CCT3: variants seen among roughly 807,000 people sequenced by gnomAD.
CCT3 encodes the protein chaperonin containing TCP1 subunit 3.
A neutral mutation model predicts 65.3 loss-of-function variants in CCT3; 10 were observed. The observed-to-expected ratio is 0.15, with a 90% CI of 0.09 to 0.26. The LOEUF (loss-of-function observed/expected upper bound fraction) is 0.26. CCT3 is among the 10% of genes least tolerant of loss of function. The pLI is 1.00. For missense variants in CCT3, 626 were observed against 708.7 expected, an observed-to-expected ratio of 0.88 and a Z score of 1.33; for synonymous variants, 225 against 242.3, an observed-to-expected ratio of 0.93 and a Z score of 0.66.
At chr1:156,325,725 G>A (rs762195249) in intron 5 of CCT3, among the ~76,000 whole-genome samples, 1 of 151,874 alleles carries the variant, frequency 6.6e-6, no homozygotes, top group Non-Finnish European at 1.5e-5. Flanking sequence ...TTACATGCAT[G>A]CATCACCACA....
intron 1 of CCT3, among the ~76,000 whole-genome samples, chr1:156,336,604 C>G (rs528723204): frequency 6.6e-6 from 1 of 152,198 alleles, no homozygotes; most frequent in African/African-American, 2.4e-5. Flanking sequence ...GGAGGCTAAT[C>G]GGTCACAGCC....
In CCT3 at chr1:156,335,852, T is replaced by G. The variant is rs192209372; in HGVS notation, c.68A>C (p.Gln23Pro). Residue 23 changes from glutamine to proline, a missense_variant, in exon 2 of 14, where the codon CAA becomes CCA. Coordinates refer to ENST00000295688, the MANE Select transcript of CCT3 (RefSeq NM_005998.5). ...CTTGGCAGCATTGATGTTTCCAGAT[T>G]GAACTTTTCTTCCGGATTCACGCTT... ...NTKRESGRKV[Q>P]SGNINAAKTI... 6.2e-7 allele frequency: 1 copy of G among 1,614,146 alleles called. No homozygotes were observed. Among genetic ancestry groups the G allele is most frequent in the East Asian group, 2.2e-5 (1 of 44,878 alleles).
intron 5 of CCT3, chr1:156,332,630 TAAA>T (rs1045967623): frequency 6.6e-6 from 1 of 152,010 alleles, no homozygotes; most frequent in Non-Finnish European, 1.5e-5. Context: ...TCTCACACTG[TAAA>T]AAAAAGTGTC....
intron 6 of CCT3, 73 bp downstream of exon 6, chr1:156,324,899 T>C: frequency 1.0e-6 from 1 of 998,548 alleles, no homozygotes; most frequent in Non-Finnish European, 1.6e-6. Flanking sequence ...AGTGCTGGGA[T>C]GACAGCCATG....
intron 5 of CCT3, among the ~76,000 whole-genome samples, chr1:156,330,248 G>T (rs1231970376): frequency 6.6e-6 from 1 of 152,064 alleles, no homozygotes; most frequent in South Asian, 2.1e-4. Context: ...ATCCTTCCAG[G>T]TTTTCCCTAA....
intron 1 of CCT3, among the ~76,000 whole-genome samples, chr1:156,336,541 A>C (rs1426921891): frequency 2.0e-5 from 3 of 152,220 alleles, no homozygotes; most frequent in African/African-American, 7.2e-5. Flanking sequence ...TGTAATAAGA[A>C]GGCCTCAGTA....
At position 156,311,029 on chromosome 1, in the gene CCT3, G is replaced by C; in HGVS notation, c.1322C>G (p.Ala441Gly). The C allele has an allele frequency of 1.9e-6, 3 of 1,614,128 alleles. No homozygotes were observed. Among genetic ancestry groups the C allele is most frequent in the Non-Finnish European group, 2.5e-6 (3 of 1,180,008 alleles). Residue 441 changes from alanine (A) to glycine (G), a missense_variant, in exon 12 of 14, where the codon GCC becomes GGC. Transcript: ENST00000295688. ...GVEQWPYRAV[A>G]QALEVIPRTL... is the part of the protein sequence containing the mutation. The stretch of plus-strand genomic sequence containing the variant: ...ACGAGGAATGACCTCTAGGGCCTGG[G>C]CAACAGCCCTGTATGGCCATTGTTC...
chr1:156,310,074 C>T (rs931954058), intron 13 of CCT3, among the ~76,000 whole-genome samples: 1 of 148,278 alleles, frequency 6.7e-6, no homozygotes, highest in Admixed American at 6.8e-5. Flanking sequence ...ATGCACTTCT[C>T]CCTAAGCAAG....
Position 156,334,894 on chromosome 1 carries a change from A to G in CCT3, c.118T>C (p.Cys40Arg). The G allele has an allele frequency of 6.2e-7, 1 of 1,614,154 alleles. No individual in the cohort carries two copies. Among genetic ancestry groups the G allele is most frequent in the Non-Finnish European group, 8.5e-7 (1 of 1,179,998 alleles). Residue 40 changes from cysteine to arginine, a missense_variant, in exon 3 of 14, where the codon TGT becomes CGT. By Grantham distance (180) the Cys-to-Arg change is radical. Coordinates refer to ENST00000295688, the MANE Select transcript of CCT3 (RefSeq NM_005998.5). ...AKTIADIIRT[C>R]LGPKSMMKML... ...TTCATCATGGACTTGGGTCCCAAAC[A>G]TGTTCGGATGATATCTGCAATAGTC...
intron 5 of CCT3, among the ~76,000 whole-genome samples, chr1:156,326,582 G>A (rs569700477): frequency 1.6e-4 from 24 of 147,470 alleles, no homozygotes; most frequent in Middle Eastern, 7.7e-3. Context: ...CCAGGGAGGC[G>A]GAGGTTGTGG....
chr1:156,325,067 A>G lies in CCT3; in HGVS notation c.327T>C (p.Ala109=). 1 of 1,612,398 alleles carries G rather than the reference A, an allele frequency of 6.2e-7. No individual in the cohort carries two copies. Among genetic ancestry groups the G allele is most frequent in the Non-Finnish European group, 8.5e-7 (1 of 1,179,302 alleles). Reference sequence around the variant, plus strand: ...GCATCTGCTGCTCCAGGAAGTGCTCAGCTACAGACAGCATTTCCCCTGCTG... The same window carrying G: ...GCATCTGCTGCTCCAGGAAGTGCTCGGCTACAGACAGCATTTCCCCTGCTG... ...IILAGEMLSV[A]EHFLEQQMHP... is the part of the protein sequence containing the mutation. The change falls in exon 6 of 14, where the codon GCT becomes GCC. Residue 109 remains alanine, a synonymous_variant. Transcript: ENST00000295688.
intron 1 of CCT3, 114 bp downstream of exon 1, chr1:156,338,040 T>G: frequency 8.7e-7 from 1 of 1,149,798 alleles, no homozygotes; most frequent in Non-Finnish European, 1.3e-6. Context: ...ATGAAGACGA[T>G]GATTGGAAGG....
intron 5 of CCT3, among the ~76,000 whole-genome samples, chr1:156,331,430 C>T (rs1260890085): frequency 6.6e-6 from 1 of 152,136 alleles, no homozygotes; most frequent in African/African-American, 2.4e-5. Context: ...CACCTGTAAT[C>T]CCAGTACTTT....
chr1:156,319,031 A>G lies in CCT3; in HGVS notation c.610-14T>C, dbSNP rs755554759. The G allele has an allele frequency of 6.3e-7, 1 of 1,583,194 alleles. No individual in the cohort carries two copies. Among genetic ancestry groups the G allele is most frequent in the East Asian group, 2.3e-5 (1 of 44,280 alleles). On this transcript the variant is annotated splice_polypyrimidine_tract_variant and intron_variant, in intron 7 of 13. Coordinates refer to ENST00000295688, the MANE Select transcript of CCT3 (RefSeq NM_005998.5). ...GCCTCCAGGTATCTGAACAAAAGAC[A>G]ACTGCACTTTAATCCACAATCAAGA...
intron 1 of CCT3, among the ~76,000 whole-genome samples, chr1:156,336,445 A>C (rs1665361835): frequency 1.3e-5 from 2 of 152,208 alleles, no homozygotes; most frequent in South Asian, 4.1e-4. Flanking sequence ...GGTCCAGCAT[A>C]ATTAGTGATA....
chr1:156,327,304 CTCTCCCTCTCTTTCCACGG>C (rs932293986), intron 5 of CCT3, among the ~76,000 whole-genome samples: 1 of 151,294 alleles, frequency 6.6e-6, no homozygotes, highest in African/African-American at 2.4e-5. Context: ...CACGGTCTCC[CTCTCCCTCTCTTTCCACGG>C]TCTCCCTCTG....
At chr1:156,319,533 G>C (rs1338718378) in intron 7 of CCT3, among the ~76,000 whole-genome samples, 1 of 152,034 alleles carries the variant, frequency 6.6e-6, no homozygotes, top group Non-Finnish European at 1.5e-5. Flanking sequence ...CAACTTGAAG[G>C]TCTGCTGAGA....
intron 13 of CCT3, 133 bp downstream of exon 13, chr1:156,310,425 C>T (rs545988558): frequency 2.0e-5 from 10 of 508,328 alleles, no homozygotes; most frequent in East Asian, 4.5e-5. Context: ...ACCCGGGAGG[C>T]GGAGATTGCA....
At chr1:156,323,824 G>A (rs985294715) in intron 6 of CCT3, among the ~76,000 whole-genome samples, 1 of 150,670 alleles carries the variant, frequency 6.6e-6, no homozygotes, top group Non-Finnish European at 1.5e-5. Context: ...GTGCAATGGT[G>A]CGATCCTGGC....
Sources: allele counts gnomAD v4.1 joint callset (sites outside exome capture counted in the v4.1 genomes callset), GRCh38; gene constraint gnomAD v4.1.1; transcripts MANE v1.5; gene names NCBI Gene and HGNC (gene_info 2026-07-23, HGNC 2026-07-21).